The following SMYD2 variants were observed in gnomAD, a reference collection of about 807,000 sequenced individuals.
SMYD2 encodes N-lysine methyltransferase SMYD2.
In SMYD2, 53 loss-of-function variants were observed where a neutral mutation model predicts 59.1. That is an observed-to-expected ratio of 0.90 (90% CI 0.72 to 1.13). The LOEUF is 1.13. SMYD2 is among the 50% of genes most tolerant of loss of function. The probability of loss-of-function intolerance (pLI) is 0.00; values close to 1 mark genes in which losing one functional copy is unlikely to be tolerated. For missense variants in SMYD2, 494 were observed against 544.7 expected (o/e 0.91, Z 0.93); for synonymous variants, 208 against 198.8 (o/e 1.05, Z -0.39).
At chr1:214,296,681 C>T (rs904243921) in intron 1 of SMYD2, among the ~76,000 whole-genome samples, 2 of 152,068 alleles carry the variant, frequency 1.3e-5, no homozygotes, top group African/African-American at 2.4e-5. Flanking sequence ...GAGGTGGAAA[C>T]GATATCTTTA....
intron 7 of SMYD2, 61 bp downstream of exon 7, chr1:214,327,785 T>C: frequency 9.4e-6 from 13 of 1,379,550 alleles, no homozygotes; most frequent in Non-Finnish European, 1.2e-5. Flanking sequence ...TAAAAGGCAA[T>C]GTGGACAGAT....
chr1:214,327,862 G>T, intron 7 of SMYD2, 138 bp downstream of exon 7: 1 of 661,534 alleles, frequency 1.5e-6, no homozygotes, highest in East Asian at 2.7e-5. Context: ...TCTGCCCTCA[G>T]GCTCTCCAGG....
chr1:214,302,478 A>G (rs1476015330), intron 1 of SMYD2, among the ~76,000 whole-genome samples: 1 of 152,208 alleles, frequency 6.6e-6, no homozygotes, highest in African/African-American at 2.4e-5. Context: ...GAAAAAAAGC[A>G]AATAATCTGA....
At chr1:214,302,544 A>G (rs978835507) in intron 1 of SMYD2, among the ~76,000 whole-genome samples, 2 of 152,186 alleles carry the variant, frequency 1.3e-5, no homozygotes, top group Non-Finnish European at 2.9e-5. Context: ...CAGTCTGTAG[A>G]CCTTCTTGAG....
intron 9 of SMYD2, 49 bp downstream of exon 9, chr1:214,331,119 C>A (rs1374929703): frequency 6.2e-7 from 1 of 1,603,586 alleles, no homozygotes; most frequent in Admixed American, 1.7e-5. Context: ...GCCAACAAGG[C>A]AAGGTGGGAA....
intron 7 of SMYD2, among the ~76,000 whole-genome samples, chr1:214,329,620 G>A (rs1458944321): frequency 6.6e-6 from 1 of 152,202 alleles, no homozygotes; most frequent in Non-Finnish European, 1.5e-5. Flanking sequence ...CCTAGAAGAT[G>A]TGTTCACCCT....
intron 10 of SMYD2, chr1:214,332,567 C>G: frequency 6.0e-6 from 1 of 165,998 alleles, no homozygotes; most frequent in Non-Finnish European, 1.3e-5. Context: ...TTCATCATTA[C>G]TCACACCATC....
Position 214,331,153 on chromosome 1 carries a change from G to A in SMYD2, c.937+83G>A, listed in dbSNP as rs549626486. 248 of 1,583,374 alleles carry A rather than the reference G, an allele frequency of 1.6e-4. 2 individuals are homozygous for A. In the Admixed American group the frequency reaches 4.1e-3, roughly 26 times the overall value. ...AAGTTGGAAAGAGGGAGCAGGAGAA[G>A]GATGGATTTAAGATTCTGAAAACCA... On this transcript the variant is annotated intron_variant, in intron 9 of 11. Transcript: ENST00000366957.
chr1:214,336,070 A>C (rs1156700263), intron 11 of SMYD2, among the ~76,000 whole-genome samples: 1 of 152,182 alleles, frequency 6.6e-6, no homozygotes, highest in African/African-American at 2.4e-5. Flanking sequence ...TAATCAAAAA[A>C]ATTAGTCCTT....
chr1:214,293,079 GTC>G (rs1656664378), intron 1 of SMYD2, among the ~76,000 whole-genome samples: 1 of 148,518 alleles, frequency 6.7e-6, no homozygotes, highest in South Asian at 2.2e-4. Flanking sequence ...TTGAGACAGA[GTC>G]TCTCTCTGTC....
chr1:214,313,533 C>T (rs1024449764), intron 2 of SMYD2, among the ~76,000 whole-genome samples: 2 of 151,824 alleles, frequency 1.3e-5, no homozygotes, highest in Non-Finnish European at 2.9e-5. Context: ...AAAAGTCCCC[C>T]GCAACTTTTC....
chr1:214,310,399 C>T (rs1210649696), intron 2 of SMYD2, among the ~76,000 whole-genome samples: 1 of 152,062 alleles, frequency 6.6e-6, no homozygotes, highest in East Asian at 1.9e-4. Flanking sequence ...TCAGAAAGTG[C>T]AGACTAAAAG....
At chr1:214,303,796 C>T (rs541086559) in intron 1 of SMYD2, among the ~76,000 whole-genome samples, 65 of 152,344 alleles carry the variant, frequency 4.3e-4, no homozygotes, top group Admixed American at 8.5e-4. Flanking sequence ...ACCGCGCACG[C>T]CCCCGCCCCC....
At chr1:214,308,945 A>G (rs1656957446) in intron 2 of SMYD2, among the ~76,000 whole-genome samples, 2 of 152,108 alleles carry the variant, frequency 1.3e-5, no homozygotes, top group South Asian at 4.1e-4. Context: ...CCTTCAGTGG[A>G]TGTGAAAGGG....
intron 1 of SMYD2, among the ~76,000 whole-genome samples, chr1:214,300,882 T>C (rs1656812513): frequency 6.6e-6 from 1 of 152,224 alleles, no homozygotes; most frequent in African/African-American, 2.4e-5. Flanking sequence ...TCAAACTTTC[T>C]GGTTTCAGGG....
At position 214,327,715 on chromosome 1, in the gene SMYD2, G is replaced by T; in HGVS notation, c.696G>T (p.Pro232=). The change falls in exon 7 of 12, where the codon CCG becomes CCT. Residue 232 remains proline (P), a synonymous_variant. Transcript: ENST00000366957. The part of the protein sequence containing the change: ...AEVRAVQEIK[P]GEEVFTSYID... The stretch of plus-strand genomic sequence containing the variant: ...TCAGAGCTGTACAGGAAATCAAGCC[G>T]GGAGAGGAGGTGAGTTCATGGCTAT... The T allele has an allele frequency of 6.2e-7, 1 of 1,614,062 alleles. No homozygotes were observed. Among genetic ancestry groups the T allele is most frequent in the African/African-American group, 1.3e-5 (1 of 75,042 alleles).
At position 214,336,815 on chromosome 1, in the gene SMYD2, CACTT is replaced by C. The variant is rs767694541; in HGVS notation, c.*33_*36del. 27 of 1,577,314 alleles carry C rather than the reference CACTT, an allele frequency of 1.7e-5. No homozygotes were observed. The highest frequency in any genetic ancestry group is 1.7e-4 in the Admixed American group (10 of 58,938). On this transcript the variant is annotated 3_prime_UTR_variant, in exon 12 of 12. Transcript: ENST00000366957. ...TGCAGCATTTCAGTTTTCATTTAAA[CACTT>C]AGTTCAGAAACCTTAAAGGATTTGA...
At chr1:214,330,032 A>G (rs538149662) in intron 7 of SMYD2, 136 bp from the exon 8 acceptor site, 163 of 531,560 alleles carry the variant, frequency 3.1e-4, no homozygotes, top group Admixed American at 9.8e-4. Flanking sequence ...CGTGCCTTAA[A>G]GTAAACAGCG....
At chr1:214,332,232 T>C (rs1307759196) in intron 10 of SMYD2, 40 bp downstream of exon 10, 3 of 1,604,980 alleles carry the variant, frequency 1.9e-6, no homozygotes, top group Admixed American at 3.4e-5. Context: ...CGGAGTGGAA[T>C]TTGGTTGTTT....
Sources: allele counts gnomAD v4.1 joint callset (sites outside exome capture counted in the v4.1 genomes callset), GRCh38; gene constraint gnomAD v4.1.1; transcripts MANE v1.5; gene names NCBI Gene and HGNC (gene_info 2026-07-23, HGNC 2026-07-21).